The following CFAP61 variants were observed in gnomAD, a reference collection of about 807,000 sequenced individuals.
CFAP61 encodes cilia- and flagella-associated protein 61.
In CFAP61, 107 loss-of-function variants were observed where a neutral mutation model predicts 135.6. The observed-to-expected ratio is 0.79, with a 90% CI of 0.67 to 0.93. The LOEUF is 0.93. Ranked by LOEUF, CFAP61 falls within the 40% of genes least tolerant of loss-of-function variation. The pLI, the probability that CFAP61 is intolerant of heterozygous loss-of-function variation, is 0.00. For synonymous variants in CFAP61, 575 were observed against 578.5 expected (o/e 0.99, Z 0.09); for missense variants, 1,507 against 1,556.2 (o/e 0.97, Z 0.53).
intron 25 of CFAP61, among the ~76,000 whole-genome samples, chr20:20,334,820 C>A (rs1045615221): frequency 6.6e-6 from 1 of 152,150 alleles, no homozygotes; most frequent in African/African-American, 2.4e-5. Flanking sequence ...CAAACTCAGG[C>A]TGAACTCAAG....
Position 20,063,986 on chromosome 20 carries a change from A to G in CFAP61, c.144-6868A>G, listed in dbSNP as rs183425573. ...AATAACTCTAAGCTCATTATGGGGT[A>G]AATTGTCAACTATTGAAAGACATTA... is the stretch of plus-strand genomic sequence containing the variant. On this transcript the variant is annotated intron_variant, in intron 2 of 26. Coordinates refer to ENST00000245957, the MANE Select transcript of CFAP61 (RefSeq NM_015585.4). 3.8e-3 allele frequency among the ~76,000 whole-genome samples: 574 copies of G among 151,210 alleles called. 4 individuals carry two copies. Among genetic ancestry groups the G allele is most frequent in the African/African-American group, 0.013 (555 of 41,468 alleles).
chr20:20,059,052 C>G (rs771327472), intron 2 of CFAP61, among the ~76,000 whole-genome samples: 1 of 151,972 alleles, frequency 6.6e-6, no homozygotes, highest in Non-Finnish European at 1.5e-5. Flanking sequence ...TAAAGAAGGC[C>G]GGACACAGTG....
intron 7 of CFAP61, among the ~76,000 whole-genome samples, chr20:20,097,081 A>G (rs2047632899): frequency 1.5e-5 from 2 of 136,632 alleles, no homozygotes; most frequent in African/African-American, 5.5e-5. Flanking sequence ...GAGAACAAAT[A>G]GTAGTTTAAT....
chr20:20,107,208 A>C (rs2048470496), intron 8 of CFAP61, among the ~76,000 whole-genome samples: 1 of 152,250 alleles, frequency 6.6e-6, no homozygotes, highest in South Asian at 2.1e-4. Flanking sequence ...GGAAGCAATT[A>C]CTGAAAAGCA....
intron 6 of CFAP61, 64 bp downstream of exon 6, chr20:20,075,679 C>T: frequency 6.4e-7 from 1 of 1,566,966 alleles, no homozygotes; most frequent in South Asian, 1.1e-5. Context: ...TCCCAAGACT[C>T]TTTAAACTAC....
intron 9 of CFAP61, among the ~76,000 whole-genome samples, chr20:20,148,777 C>A (rs1045122108): frequency 6.6e-6 from 1 of 152,118 alleles, no homozygotes. Context: ...AATTTGGATG[C>A]CCTTTATTTC....
chr20:20,082,059 T>C (rs1242881620), intron 6 of CFAP61, among the ~76,000 whole-genome samples: 1 of 152,190 alleles, frequency 6.6e-6, no homozygotes, highest in Non-Finnish European at 1.5e-5. Flanking sequence ...GAGATTGCAG[T>C]TGTGTGGACT....
chr20:20,349,505 A>G (rs1433177764), intron 26 of CFAP61, among the ~76,000 whole-genome samples: 2 of 152,174 alleles, frequency 1.3e-5, no homozygotes, highest in Non-Finnish European at 2.9e-5. Context: ...CCTCCCTAAG[A>G]CCCAAACACC....
chr20:20,223,672 G>A (rs575723232), intron 17 of CFAP61, among the ~76,000 whole-genome samples: 70 of 152,142 alleles, frequency 4.6e-4, no homozygotes, highest in Non-Finnish European at 8.5e-4. Flanking sequence ...AACCACATGC[G>A]GAAACACGGA....
intron 10 of CFAP61, among the ~76,000 whole-genome samples, chr20:20,163,026 C>T (rs975111): frequency 0.9 from 137,272 of 152,208 alleles, 62,715 homozygotes; most frequent in Middle Eastern, 0.99. Flanking sequence ...AATTTAGAAA[C>T]AGCACCATAA....
intron 25 of CFAP61, among the ~76,000 whole-genome samples, chr20:20,337,808 G>T (rs1357338153): frequency 6.6e-6 from 1 of 152,090 alleles, no homozygotes; most frequent in African/African-American, 2.4e-5. Context: ...CAGACCTCTT[G>T]CCAGGGTTGG....
chr20:20,280,493 A>G (rs2054123265), intron 22 of CFAP61, among the ~76,000 whole-genome samples: 1 of 152,210 alleles, frequency 6.6e-6, no homozygotes, highest in Non-Finnish European at 1.5e-5. Flanking sequence ...TGTACCTACT[A>G]AAACTATGAT....
At chr20:20,130,613 C>T (rs1004338321) in intron 8 of CFAP61, among the ~76,000 whole-genome samples, 2 of 151,692 alleles carry the variant, frequency 1.3e-5, no homozygotes, top group Non-Finnish European at 2.9e-5. Context: ...TAGCTGCCTC[C>T]TTTTTGGCAC....
In CFAP61 at chr20:20,191,327, T is replaced by C. The variant is rs774390480; in HGVS notation, c.1513-15T>C. 2 of 1,608,960 alleles carry C rather than the reference T, an allele frequency of 1.2e-6. No individual in the cohort carries two copies. The highest frequency in any genetic ancestry group is 1.1e-5 in the South Asian group (1 of 90,758). ...ATATTTTTAAGGGTCTTAAAATATA[T>C]GCTTATCTTTTCAGGATGGAACACT... On this transcript the variant is annotated splice_polypyrimidine_tract_variant and intron_variant, in intron 14 of 26. Coordinates refer to ENST00000245957, the MANE Select transcript of CFAP61 (RefSeq NM_015585.4).
intron 18 of CFAP61, among the ~76,000 whole-genome samples, chr20:20,236,839 C>T (rs2049629077): frequency 6.6e-6 from 1 of 152,186 alleles, no homozygotes; most frequent in African/African-American, 2.4e-5. Flanking sequence ...TTTGCCATCT[C>T]TCATGTGCAA....
At chr20:20,099,864 A>C (rs892145903) in intron 8 of CFAP61, among the ~76,000 whole-genome samples, 2 of 152,206 alleles carry the variant, frequency 1.3e-5, no homozygotes, top group African/African-American at 4.8e-5. Flanking sequence ...GGCTAAGCTT[A>C]TCCCCTGAAT....
chr20:20,146,051 A>G (rs779447751), intron 9 of CFAP61, among the ~76,000 whole-genome samples: 2 of 152,200 alleles, frequency 1.3e-5, no homozygotes, highest in Non-Finnish European at 2.9e-5. Context: ...TCAGCATCCC[A>G]TCAAATGTGA....
chr20:20,298,830 C>A (rs2055845347), intron 25 of CFAP61, among the ~76,000 whole-genome samples: 1 of 152,198 alleles, frequency 6.6e-6, no homozygotes, highest in African/African-American at 2.4e-5. Flanking sequence ...TTCAGGCAGG[C>A]CCAGGGTGGT....
At chr20:20,230,658 C>T (rs986538235) in intron 18 of CFAP61, among the ~76,000 whole-genome samples, 5 of 152,126 alleles carry the variant, frequency 3.3e-5, no homozygotes, top group Admixed American at 6.5e-5. Flanking sequence ...CAGGTTCAAG[C>T]GATTCTCTTG....
Sources: allele counts gnomAD v4.1 joint callset (sites outside exome capture counted in the v4.1 genomes callset), GRCh38; gene constraint gnomAD v4.1.1; transcripts MANE v1.5; gene names NCBI Gene and HGNC (gene_info 2026-07-23, HGNC 2026-07-21).